TBC1D15: variants seen among roughly 807,000 people sequenced by gnomAD.
TBC1D15 encodes the protein GAP for RAB7.
A neutral mutation model predicts 95.4 loss-of-function variants in TBC1D15; 39 were observed. The observed-to-expected ratio is 0.41, with a 90% CI of 0.32 to 0.53. The LOEUF (loss-of-function observed/expected upper bound fraction) is 0.53, where lower values mean the gene tolerates loss of function less well. Ranked by LOEUF, TBC1D15 falls within the 20% of genes least tolerant of loss-of-function variation. The pLI, the probability that TBC1D15 is intolerant of heterozygous loss-of-function variation, is 0.29. For synonymous variants in TBC1D15, 258 were observed against 261.3 expected, an observed-to-expected ratio of 0.99 and a Z score of 0.12; for missense variants, 733 against 794.3, an observed-to-expected ratio of 0.92 and a Z score of 0.93.
intron 1 of TBC1D15, among the ~76,000 whole-genome samples, chr12:71,855,667 CAAAAAA>C (rs1161851924): frequency 2.4e-5 from 1 of 41,358 alleles, no homozygotes; most frequent in African/African-American, 7.0e-5. Context: ...GACTCCATCT[CAAAAAA>C]AAAAAAAAAA....
At position 71,918,555 on chromosome 12, in the gene TBC1D15, C is replaced by A. The variant is rs767403878; in HGVS notation, c.1599+7C>A. On this transcript the variant is annotated splice_region_variant and intron_variant, in intron 14 of 16. Coordinates refer to ENST00000485960, the MANE Select transcript of TBC1D15 (RefSeq NM_001146213.3). ...TATTCTTCGATTATGGGAGGTAAGTCCTTAAATTATTATGCAAATGTGATA... is the reference window on the plus strand; with the variant it reads ...TATTCTTCGATTATGGGAGGTAAGTACTTAAATTATTATGCAAATGTGATA... The A allele has an allele frequency of 1.3e-6, 2 of 1,493,290 alleles. No homozygotes were observed. The highest frequency in any genetic ancestry group is 1.8e-6 in the Non-Finnish European group (2 of 1,085,088). 92.5% of individuals were successfully genotyped at this position (1,493,290 alleles called of 1,614,324 possible). A position where few individuals can be genotyped will look rare whatever the true frequency, so the allele number is the denominator to read the frequency against.
chr12:71,847,155 A>G (rs1034133503), intron 1 of TBC1D15, among the ~76,000 whole-genome samples: 2 of 152,176 alleles, frequency 1.3e-5, no homozygotes, highest in African/African-American at 4.8e-5. Flanking sequence ...CATGAACACA[A>G]TTAAGATAAT....
At chr12:71,916,647 C>T (rs1356186659) in intron 12 of TBC1D15, among the ~76,000 whole-genome samples, 1 of 152,052 alleles carries the variant, frequency 6.6e-6, no homozygotes, top group Non-Finnish European at 1.5e-5. Flanking sequence ...TTTTCTAAGG[C>T]TTTCACTAGG....
intron 10 of TBC1D15, among the ~76,000 whole-genome samples, chr12:71,899,171 G>A (rs1286260963): frequency 1.3e-5 from 2 of 152,080 alleles, no homozygotes; most frequent in South Asian, 4.1e-4. Flanking sequence ...TTTATATCAA[G>A]GATCAATGTT....
chr12:71,848,840 A>G (rs941347192), intron 1 of TBC1D15, among the ~76,000 whole-genome samples: 1 of 152,142 alleles, frequency 6.6e-6, no homozygotes, highest in African/African-American at 2.4e-5. Flanking sequence ...ATGGCTTCCT[A>G]TGGGTTTGTC....
At chr12:71,919,250 G>A (rs1868354938) in intron 14 of TBC1D15, among the ~76,000 whole-genome samples, 1 of 143,066 alleles carries the variant, frequency 7.0e-6, no homozygotes, top group African/African-American at 2.6e-5. Context: ...ATGTTACCTA[G>A]ACTGATCTCG....
chr12:71,865,058 T>C (rs1376423796), intron 1 of TBC1D15, among the ~76,000 whole-genome samples: 2 of 152,194 alleles, frequency 1.3e-5, no homozygotes, highest in African/African-American at 4.8e-5. Context: ...CTAAGTCCTT[T>C]TTGGTGTCAG....
At chr12:71,905,091 T>A (rs1035761164) in intron 10 of TBC1D15, among the ~76,000 whole-genome samples, 4 of 152,142 alleles carry the variant, frequency 2.6e-5, no homozygotes, top group African/African-American at 9.7e-5. Flanking sequence ...AATAACATTT[T>A]TATATATTAC....
intron 1 of TBC1D15, among the ~76,000 whole-genome samples, chr12:71,860,489 C>CT (rs1035593180): frequency 7.2e-5 from 11 of 151,844 alleles, no homozygotes; most frequent in South Asian, 2.1e-4. Flanking sequence ...ACATTATTTC[C>CT]TTTTTTGTTT....
intron 1 of TBC1D15, among the ~76,000 whole-genome samples, chr12:71,857,109 A>G (rs1245686113): frequency 6.6e-6 from 1 of 150,828 alleles, no homozygotes; most frequent in Non-Finnish European, 1.5e-5. Flanking sequence ...TAAATTTATT[A>G]TTTTTTTTCT....
chr12:71,912,723 A>T (rs1902696980), intron 11 of TBC1D15, among the ~76,000 whole-genome samples: 1 of 152,154 alleles, frequency 6.6e-6, no homozygotes, highest in African/African-American at 2.4e-5. Flanking sequence ...ATTTTGGTGA[A>T]TAAAAATGTA....
chr12:71,841,853 TAATA>T (rs1885101536), intron 1 of TBC1D15, among the ~76,000 whole-genome samples: 2 of 152,318 alleles, frequency 1.3e-5, no homozygotes, highest in Non-Finnish European at 2.9e-5. Flanking sequence ...GTCAGCATAA[TAATA>T]ATAATAATGA....
At chr12:71,897,470 A>AT (rs199698496) in intron 9 of TBC1D15, among the ~76,000 whole-genome samples, 8 of 152,132 alleles carry the variant, frequency 5.3e-5, no homozygotes, top group Non-Finnish European at 8.8e-5. Context: ...ATAATGTCAC[A>AT]TTTTTTAAAA....
intron 5 of TBC1D15, 39 bp downstream of exon 5, chr12:71,885,060 C>G (rs1004040447): frequency 1.3e-6 from 2 of 1,594,534 alleles, no homozygotes; most frequent in South Asian, 2.2e-5. Flanking sequence ...GAAACCAGAT[C>G]ATTGTATTAA....
intron 10 of TBC1D15, among the ~76,000 whole-genome samples, chr12:71,899,029 T>C (rs1014226229): frequency 6.6e-6 from 1 of 152,186 alleles, no homozygotes; most frequent in East Asian, 1.9e-4. Context: ...TCAGTTTCAG[T>C]AGGAAAAACA....
At position 71,914,695 on chromosome 12, in the gene TBC1D15, A is replaced by G. The variant is rs570854808; in HGVS notation, c.1401+769A>G. 2.6e-5 allele frequency among the ~76,000 whole-genome samples: 4 copies of G among 152,138 alleles called. No individual in the cohort carries two copies. The South Asian group carries it at 8.3e-4, about 31-fold the overall frequency. On this transcript the variant is annotated intron_variant, in intron 12 of 16. Transcript: ENST00000485960. The stretch of plus-strand genomic sequence containing the variant: ...CTAACATACTGGATGCTGGGCCTTT[A>G]TGTTGGATATTGAAATGGCTGGCTT...
chr12:71,906,296 A>G (rs1415727089), intron 10 of TBC1D15, among the ~76,000 whole-genome samples: 5 of 152,212 alleles, frequency 3.3e-5, no homozygotes, highest in African/African-American at 1.2e-4. Context: ...TGTTTAAGTT[A>G]CTTCTTCCTA....
intron 6 of TBC1D15, among the ~76,000 whole-genome samples, chr12:71,893,723 A>G (rs1006862068): frequency 4.6e-5 from 7 of 151,946 alleles, no homozygotes; most frequent in Admixed American, 3.9e-4. Flanking sequence ...TGACGTCATG[A>G]CAATCTTATT....
chr12:71,886,430 G>A (rs773149698), intron 5 of TBC1D15, among the ~76,000 whole-genome samples: 3 of 152,148 alleles, frequency 2.0e-5, no homozygotes, highest in Non-Finnish European at 2.9e-5. Context: ...TCGGCCTCCC[G>A]AAGTGCTAGG....
Sources: allele counts gnomAD v4.1 joint callset (sites outside exome capture counted in the v4.1 genomes callset), GRCh38; gene constraint gnomAD v4.1.1; transcripts MANE v1.5; gene names NCBI Gene and HGNC (gene_info 2026-07-23, HGNC 2026-07-21).